Variants in RANBP2 observed in about 807,000 individuals in gnomAD.
RANBP2 encodes RAN binding protein 2.
Under a neutral mutation model 303.6 loss-of-function variants are expected in RANBP2, and 57 were observed. The observed-to-expected ratio is 0.19, with a 90% CI of 0.15 to 0.23. The LOEUF (loss-of-function observed/expected upper bound fraction) is 0.23. Among genes scored for constraint, RANBP2 ranks in the 10% least tolerant of loss-of-function variants. The pLI is 1.00. For missense variants in RANBP2, 3,138 were observed against 3,780.8 expected, an observed-to-expected ratio of 0.83 and a Z score of 4.46; for synonymous variants, 1,167 against 1,301.5, an observed-to-expected ratio of 0.90 and a Z score of 2.23.
At chr2:109,421,167 A>C in the RANBP2 span, among the ~76,000 whole-genome samples, 1 of 152,204 alleles carries the variant, frequency 6.6e-6, no homozygotes, top group Non-Finnish European at 1.5e-5. Context: ...GCAGGATGCT[A>C]TCTGAGGAAA....
intron 18 of RANBP2, among the ~76,000 whole-genome samples, chr2:108,761,890 C>T (rs1191416251): frequency 6.6e-6 from 1 of 152,116 alleles, no homozygotes; most frequent in African/African-American, 2.4e-5. Context: ...ATGCTATTCT[C>T]TTATTCTTCA....
At chr2:109,261,058 A>G in the RANBP2 span, among the ~76,000 whole-genome samples, 7 of 152,136 alleles carry the variant, frequency 4.6e-5, no homozygotes, top group African/African-American at 1.7e-4. Context: ...TAGCATGAGC[A>G]CTTGGCCTGA....
the RANBP2 span, among the ~76,000 whole-genome samples, chr2:109,584,942 G>A: frequency 6.6e-6 from 1 of 152,004 alleles, no homozygotes; most frequent in Non-Finnish European, 1.5e-5. Flanking sequence ...TAGACAAATG[G>A]CTAGAAAAAT....
chr2:109,430,612 C>T, the RANBP2 span, among the ~76,000 whole-genome samples: 2 of 152,182 alleles, frequency 1.3e-5, no homozygotes, highest in Non-Finnish European at 2.9e-5. Flanking sequence ...GCACAATACA[C>T]AGGTACGTGT....
the RANBP2 span, among the ~76,000 whole-genome samples, chr2:108,999,539 G>A: frequency 6.6e-6 from 1 of 152,170 alleles, no homozygotes; most frequent in Non-Finnish European, 1.5e-5. Flanking sequence ...TGAGAGACCA[G>A]GCTGCTAAAC....
the RANBP2 span, among the ~76,000 whole-genome samples, chr2:109,207,264 T>G: frequency 6.6e-6 from 1 of 152,192 alleles, no homozygotes; most frequent in East Asian, 1.9e-4. Context: ...ATAATTTTGG[T>G]GTATGGTAAT....
the RANBP2 span, among the ~76,000 whole-genome samples, chr2:109,273,373 A>C: frequency 6.6e-6 from 1 of 152,210 alleles, no homozygotes; most frequent in Admixed American, 6.5e-5. Context: ...TTGAGCCTTA[A>C]CGCATGGATG....
rs1441447296 is a variant in RANBP2, at chr2:108,730,740, T to C, written c.141-34T>C. The C allele has an allele frequency of 3.1e-6, 5 of 1,605,624 alleles. No homozygotes were observed. The East Asian group carries it at 1.1e-4, about 36-fold the overall frequency. ...TAGCATTTAAAAGTACAGTTCTAAGTTTAATTTACTTTTGTATTACTTTTA... is the reference window on the plus strand; with the variant it reads ...TAGCATTTAAAAGTACAGTTCTAAGCTTAATTTACTTTTGTATTACTTTTA... On this transcript the variant is annotated intron_variant, in intron 2 of 28. Transcript: ENST00000283195.
At chr2:109,554,660 T>C in the RANBP2 span, among the ~76,000 whole-genome samples, 1 of 152,194 alleles carries the variant, frequency 6.6e-6, no homozygotes, top group African/African-American at 2.4e-5. Context: ...TCGCCGGGAA[T>C]CAATTTTTTT....
the RANBP2 span, among the ~76,000 whole-genome samples, chr2:109,297,345 A>T: frequency 6.6e-6 from 1 of 152,028 alleles, no homozygotes. Context: ...TTGAGAGAAA[A>T]CCCACCAAAG....
the RANBP2 span, among the ~76,000 whole-genome samples, chr2:109,405,129 C>T: frequency 2.6e-5 from 4 of 152,038 alleles, no homozygotes; most frequent in South Asian, 2.1e-4. Context: ...CCCCAGCCAA[C>T]GTCACCTGCC....
chr2:109,118,533 C>T, the RANBP2 span, among the ~76,000 whole-genome samples: 2 of 151,108 alleles, frequency 1.3e-5, no homozygotes, highest in East Asian at 4.2e-4. Flanking sequence ...GGTTTGTCCA[C>T]CGCAGCCGGC....
At chr2:108,877,093 A>G in the RANBP2 span, among the ~76,000 whole-genome samples, 1 of 152,206 alleles carries the variant, frequency 6.6e-6, no homozygotes, top group South Asian at 2.1e-4. Flanking sequence ...AATACCAGAA[A>G]ATGTGCCATT....
chr2:109,512,619 A>G, the RANBP2 span, among the ~76,000 whole-genome samples: 1 of 152,080 alleles, frequency 6.6e-6, no homozygotes, highest in South Asian at 2.1e-4. Flanking sequence ...GACATTCTTG[A>G]CTAGACCCGG....
chr2:109,552,979 G>A, the RANBP2 span: 2 of 1,243,444 alleles, frequency 1.6e-6, no homozygotes, highest in Admixed American at 4.4e-5. Flanking sequence ...ACTCTTTAAA[G>A]AACAAGTAGC....
chr2:109,196,787 C>T, the RANBP2 span, among the ~76,000 whole-genome samples: 206 of 152,296 alleles, frequency 1.4e-3, no homozygotes, highest in African/African-American at 4.7e-3. Flanking sequence ...TGAGATCAGG[C>T]GCCAATAGCA....
chr2:108,939,493 G>A, the RANBP2 span, among the ~76,000 whole-genome samples: 2 of 152,142 alleles, frequency 1.3e-5, no homozygotes, highest in Non-Finnish European at 2.9e-5. Context: ...GAGGTCAGGA[G>A]GACTGTCCCA....
At chr2:109,003,855 GAAGA>G in the RANBP2 span, among the ~76,000 whole-genome samples, 1 of 152,154 alleles carries the variant, frequency 6.6e-6, no homozygotes, top group South Asian at 2.1e-4. Context: ...GATATTATAT[GAAGA>G]GACACCAGCA....
the RANBP2 span, among the ~76,000 whole-genome samples, chr2:109,589,260 C>T: frequency 2.0e-5 from 3 of 152,006 alleles, no homozygotes; most frequent in African/African-American, 4.8e-5. Flanking sequence ...AGGTCAGGTG[C>T]GGTGGCTCAT....
Sources: gnomAD v4.1 joint callset for allele counts (sites outside exome capture counted in the v4.1 genomes callset) on GRCh38, gnomAD v4.1.1 for gene constraint, MANE v1.5 for transcripts, NCBI Gene and HGNC (gene_info 2026-07-23, HGNC 2026-07-21) for gene names.